Variants in ASTN2 observed in about 807,000 individuals in gnomAD.
ASTN2 encodes astrotactin-2.
ASTN2 carries 54 observed loss-of-function variants against 139.8 expected under a neutral mutation model. That is an observed-to-expected ratio of 0.39 (90% CI 0.31 to 0.48). ASTN2 has a LOEUF of 0.48. Among genes scored for constraint, ASTN2 ranks in the 20% least tolerant of loss-of-function variants. ASTN2 has a pLI of 0.95. For missense variants in ASTN2, 1,565 were observed against 1,725.1 expected (o/e 0.91, Z 1.64); for synonymous variants, 756 against 719.5 (o/e 1.05, Z -0.81).
intron 19 of ASTN2, among the ~76,000 whole-genome samples, chr9:116,596,378 G>T (rs984888656): frequency 1.3e-5 from 2 of 152,188 alleles, no homozygotes; most frequent in Non-Finnish European, 2.9e-5. Flanking sequence ...CACCTATAGT[G>T]AATATGGTAT....
chr9:116,854,644 C>CT (rs1832690241), intron 11 of ASTN2, among the ~76,000 whole-genome samples: 1 of 142,308 alleles, frequency 7.0e-6, no homozygotes, highest in Non-Finnish European at 1.5e-5. Flanking sequence ...TTGGGGCTTC[C>CT]TTCTCTCTTT....
chr9:116,955,205 A>T (rs991064049), intron 10 of ASTN2, among the ~76,000 whole-genome samples: 18 of 152,194 alleles, frequency 1.2e-4, no homozygotes, highest in African/African-American at 3.1e-4. Flanking sequence ...TAAGAATATA[A>T]AGTGTTTATG....
At position 117,294,945 on chromosome 9, in the gene ASTN2, A is replaced by G. The variant is rs550726500; in HGVS notation, c.443-3432T>C. 1.2e-4 allele frequency among the ~76,000 whole-genome samples: 19 copies of G among 152,184 alleles called. No homozygotes were observed. In the South Asian group the frequency reaches 3.1e-3, roughly 25 times the overall value. On this transcript the variant is annotated intron_variant, in intron 1 of 22. Transcript: ENST00000313400. Reference sequence around the variant, plus strand: ...CTGCTTGGAAAAGCTGTGCCTGTCCACTCTAGCTGAAGTGGTCCTCTTCAC... The same window carrying G: ...CTGCTTGGAAAAGCTGTGCCTGTCCGCTCTAGCTGAAGTGGTCCTCTTCAC...
chr9:116,845,861 GC>G (rs1832414507), intron 11 of ASTN2, among the ~76,000 whole-genome samples: 1 of 152,068 alleles, frequency 6.6e-6, no homozygotes, highest in Non-Finnish European at 1.5e-5. Context: ...TCTAGCAATT[GC>G]ACTTCTGGAT....
intron 1 of ASTN2, among the ~76,000 whole-genome samples, chr9:117,338,171 A>G (rs1828947207): frequency 1.3e-5 from 2 of 152,166 alleles, no homozygotes; most frequent in South Asian, 4.1e-4. Context: ...CAATGCATCT[A>G]CTAGTCTTCT....
rs578203681 is a variant in ASTN2, at chr9:116,776,501, A to G, written c.2396+29131T>C. 2.6e-5 allele frequency among the ~76,000 whole-genome samples: 4 copies of G among 152,252 alleles called. No homozygotes were observed. In the East Asian group the frequency reaches 7.7e-4, roughly 29 times the overall value. ...ATCCAAGTGTCCGCGCTTGAAACCT[A>G]TACTCTTCCCTGACTATATGCCTCC... On this transcript the variant is annotated intron_variant, in intron 13 of 22. Coordinates refer to ENST00000313400, the MANE Select transcript of ASTN2 (RefSeq NM_001365068.1).
chr9:116,976,219 G>A, intron 8 of ASTN2, 31 bp from the exon 9 acceptor site: 1 of 1,595,850 alleles, frequency 6.3e-7, no homozygotes, highest in Non-Finnish European at 8.6e-7. Flanking sequence ...GAGAGAAGAT[G>A]ACATTAGTCA....
At chr9:116,461,710 A>G (rs1848492404) in intron 20 of ASTN2, among the ~76,000 whole-genome samples, 2 of 152,246 alleles carry the variant, frequency 1.3e-5, no homozygotes, top group South Asian at 4.2e-4. Context: ...GAGGGCCTCC[A>G]TCAGTGTGGA....
intron 2 of ASTN2, among the ~76,000 whole-genome samples, chr9:117,269,131 G>A (rs1289646979): frequency 6.6e-6 from 1 of 152,146 alleles, no homozygotes; most frequent in African/African-American, 2.4e-5. Flanking sequence ...ACTGACTTAA[G>A]TACTTCTCCC....
At chr9:116,460,883 C>G (rs16933562) in intron 20 of ASTN2, among the ~76,000 whole-genome samples, 1 of 152,048 alleles carries the variant, frequency 6.6e-6, no homozygotes, top group Admixed American at 6.6e-5. Flanking sequence ...TGCCCTTAGC[C>G]CATTTCTTAA....
rs565030712 is a variant in ASTN2 at position 116,985,587 on chromosome 9, A to T, written c.1592-8802T>A. Among the ~76,000 whole-genome samples the T allele has an allele frequency of 1.8e-4, 28 of 152,208 alleles. No homozygotes were observed. The South Asian group carries it at 3.7e-3, about 20-fold the overall frequency. On this transcript the variant is annotated intron_variant, in intron 7 of 22. Transcript: ENST00000313400. The stretch of plus-strand genomic sequence containing the variant: ...CACCTCTGAGTGCACCACAGACATG[A>T]TTATATATTATTAGTGTCTAGGAGA...
At chr9:117,232,055 C>G (rs1832909111) in intron 2 of ASTN2, among the ~76,000 whole-genome samples, 1 of 152,112 alleles carries the variant, frequency 6.6e-6, no homozygotes. Context: ...CCTGCCACCT[C>G]CATGGGGCTG....
chr9:116,543,422 A>G (rs1050232728), intron 19 of ASTN2, among the ~76,000 whole-genome samples: 2 of 150,958 alleles, frequency 1.3e-5, no homozygotes, highest in African/African-American at 4.9e-5. Flanking sequence ...TGGGCAACAG[A>G]GTGACACCCT....
chr9:117,392,845 C>T (rs532330599), intron 1 of ASTN2, among the ~76,000 whole-genome samples: 1 of 152,214 alleles, frequency 6.6e-6, no homozygotes, highest in Admixed American at 6.5e-5. Flanking sequence ...GAAAGAGGAG[C>T]CCACCAGAGT....
At chr9:117,067,914 C>G (rs1278426061) in intron 5 of ASTN2, among the ~76,000 whole-genome samples, 1 of 122,530 alleles carries the variant, frequency 8.2e-6, no homozygotes, top group Non-Finnish European at 1.8e-5. Flanking sequence ...TGGGCTGAGA[C>G]AGTGGGGTTT....
At chr9:117,254,122 C>A (rs560763167) in intron 2 of ASTN2, among the ~76,000 whole-genome samples, 2 of 152,052 alleles carry the variant, frequency 1.3e-5, no homozygotes, top group African/African-American at 2.4e-5. Flanking sequence ...TCCAACTATG[C>A]GAGCCTCAGA....
chr9:116,427,838 C>A (rs549236869), intron 22 of ASTN2, among the ~76,000 whole-genome samples: 2 of 152,366 alleles, frequency 1.3e-5, no homozygotes, highest in South Asian at 4.1e-4. Flanking sequence ...CAAGTGCCCC[C>A]CCCAAGAGGA....
chr9:117,233,015 G>A (rs1261593594), intron 2 of ASTN2, among the ~76,000 whole-genome samples: 1 of 151,868 alleles, frequency 6.6e-6, no homozygotes, highest in African/African-American at 2.4e-5. Context: ...CCCTGGCTCT[G>A]CCTGGATTCT....
chr9:116,477,534 C>T (rs1020356036), intron 20 of ASTN2, among the ~76,000 whole-genome samples: 9 of 151,278 alleles, frequency 5.9e-5, no homozygotes, highest in African/African-American at 1.9e-4. Flanking sequence ...GGCAGAAATC[C>T]TTGTACTTAG....
Sources: gnomAD v4.1 joint callset for allele counts (sites outside exome capture counted in the v4.1 genomes callset) on GRCh38, gnomAD v4.1.1 for gene constraint, MANE v1.5 for transcripts, NCBI Gene and HGNC (gene_info 2026-07-23, HGNC 2026-07-21) for gene names.